The following ERCC6L2 variants were observed in gnomAD, a reference collection of about 807,000 sequenced individuals.
The protein encoded by ERCC6L2 is ERCC excision repair 6 like 2.
Under a neutral mutation model 132.0 loss-of-function variants are expected in ERCC6L2, and 77 were observed. The observed-to-expected ratio is 0.58, with a 90% CI of 0.49 to 0.71. The LOEUF (loss-of-function observed/expected upper bound fraction) is 0.71, where lower values mean the gene tolerates loss of function less well. Ranked by LOEUF, ERCC6L2 falls within the 30% of genes least tolerant of loss-of-function variation. The pLI, the probability that ERCC6L2 is intolerant of heterozygous loss-of-function variation, is 0.00. For synonymous variants in ERCC6L2, 583 were observed against 632.4 expected (o/e 0.92, Z 1.17); for missense variants, 1,542 against 1,837.6 (o/e 0.84, Z 2.94).
At chr9:95,970,507 T>C (rs1432425303) in intron 14 of ERCC6L2, 69 bp from the exon 15 acceptor site, 6 of 921,332 alleles carry the variant, frequency 6.5e-6, no homozygotes, top group African/African-American at 1.8e-5. Flanking sequence ...TGCATTGCTG[T>C]TGTTTATCTG....
Position 96,015,015 on chromosome 9 carries a change from GTTTT to G in ERCC6L2, c.*1834_*1837del, listed in dbSNP as rs767745101. On this transcript the variant is annotated 3_prime_UTR_variant, in exon 19 of 19. Coordinates refer to ENST00000653738, the MANE Select transcript of ERCC6L2 (RefSeq NM_020207.7). ...GCTCTATAGTCTTCATATATGTACA[GTTTT>G]TTTTTTTTTTTTTTTTTTTTTGAGA... Among the ~76,000 whole-genome samples the G allele has an allele frequency of 6.1e-5, 4 of 65,426 alleles. No individual in the cohort carries two copies. The highest frequency in any genetic ancestry group is 2.5e-4 in the Admixed American group (1 of 3,932). 42.9% of individuals were successfully genotyped at this position (65,426 alleles called of 152,430 possible).
At position 95,972,096 on chromosome 9, in the gene ERCC6L2, C is replaced by A. The variant is rs1832439987; in HGVS notation, c.2345C>A (p.Ser782Tyr). 2.3e-6 allele frequency: 3 copies of A among 1,304,122 alleles called. No homozygotes were observed. The highest frequency in any genetic ancestry group is 3.0e-6 in the Non-Finnish European group (3 of 988,952). The allele number at this position is 1,304,122 out of a possible 1,614,324, so 80.8% of individuals were successfully genotyped here. Reference sequence around the variant, plus strand: ...AAAGCACCCGATTCAAGTAAAGCTTCCAGCTCTCCAGGACAGCTTACCTTA... The same window carrying A: ...AAAGCACCCGATTCAAGTAAAGCTTACAGCTCTCCAGGACAGCTTACCTTA... Reference protein sequence around the residue: ...KNKAPDSSKASSSPGQLTLLQ... With the variant: ...KNKAPDSSKAYSSPGQLTLLQ... Residue 782 changes from serine (S) to tyrosine (Y), a missense_variant, in exon 16 of 19, where the codon TCC becomes TAC. Around this residue, in one of 4 missense-constraint regions of ERCC6L2, gnomAD observed 945 missense variants for 1,105.2 expected, o/e 0.86. Transcript: ENST00000653738.
chr9:95,987,615 C>G (rs1415501401), intron 17 of ERCC6L2, among the ~76,000 whole-genome samples: 1 of 152,186 alleles, frequency 6.6e-6, no homozygotes, highest in African/African-American at 2.4e-5. Context: ...GGTACAGCCT[C>G]TCTCATGACT....
intron 17 of ERCC6L2, among the ~76,000 whole-genome samples, chr9:95,978,501 C>T (rs1025977806): frequency 6.6e-6 from 1 of 152,152 alleles, no homozygotes; most frequent in Non-Finnish European, 1.5e-5. Context: ...CTGAGGGAAT[C>T]ATGTAGTTCA....
chr9:95,897,950 C>T lies in ERCC6L2; in HGVS notation c.573C>T (p.Pro191=), dbSNP rs1372781038. ...TACTAAGAAGTATGAAAAAGGAACC[C>T]CTTTCTTCTACAGCAAAAAAGGTAA... ...EFLLRSMKKE[P]LSSTAKKMFL... Residue 191 remains proline, a synonymous_variant, in exon 3 of 19, where the codon CCC becomes CCT. Coordinates refer to ENST00000653738, the MANE Select transcript of ERCC6L2 (RefSeq NM_020207.7). The T allele has an allele frequency of 1.2e-6, 2 of 1,610,698 alleles. No individual in the cohort carries two copies. The highest frequency in any genetic ancestry group is 1.7e-5 in the Admixed American group (1 of 59,304).
intron 2 of ERCC6L2, among the ~76,000 whole-genome samples, chr9:95,894,449 T>C (rs1267918227): frequency 6.6e-6 from 1 of 152,182 alleles, no homozygotes; most frequent in African/African-American, 2.4e-5. Context: ...TGTTCCTTAC[T>C]GTCCAAACAT....
intron 2 of ERCC6L2, among the ~76,000 whole-genome samples, chr9:95,885,044 CACAA>C (rs1286516360): frequency 1.3e-5 from 2 of 152,148 alleles, no homozygotes; most frequent in African/African-American, 4.8e-5. Flanking sequence ...TAAACACACA[CACAA>C]ACATACATAT....
chr9:96,033,936 C>T (rs187705478), intron 19 of ERCC6L2, among the ~76,000 whole-genome samples: 12 of 152,294 alleles, frequency 7.9e-5, no homozygotes, highest in Non-Finnish European at 1.8e-4. Context: ...GGTGCAGGGA[C>T]GTCAACTGCA....
At chr9:96,036,773 A>C (rs10819734) in intron 19 of ERCC6L2, among the ~76,000 whole-genome samples, 2 of 122,096 alleles carry the variant, frequency 1.6e-5, no homozygotes, top group African/African-American at 5.8e-5. Context: ...ATTTTTATTT[A>C]TTTTTTTTTT....
At chr9:95,907,717 A>G (rs1296969146) in intron 4 of ERCC6L2, among the ~76,000 whole-genome samples, 5 of 152,004 alleles carry the variant, frequency 3.3e-5, no homozygotes, top group African/African-American at 1.2e-4. Context: ...GACTTGTCCT[A>G]AATCTCATGT....
intron 18 of ERCC6L2, among the ~76,000 whole-genome samples, chr9:96,011,891 A>T (rs556910730): frequency 1.8e-4 from 27 of 152,354 alleles, no homozygotes; most frequent in South Asian, 1.0e-3. Flanking sequence ...AGAGTCTATA[A>T]ATCATGATCC....
rs562896043 is a variant in ERCC6L2, at chr9:95,937,478, A to G, written c.1752-3976A>G. Reference sequence around the variant, plus strand: ...GAAATCATCTGGGCCTGGAGGGGTTATTTTTTTTCCCTAAGAGTTTTGAAA... The same window carrying G: ...GAAATCATCTGGGCCTGGAGGGGTTGTTTTTTTTCCCTAAGAGTTTTGAAA... On this transcript the variant is annotated intron_variant, in intron 11 of 18. Coordinates refer to ENST00000653738, the MANE Select transcript of ERCC6L2 (RefSeq NM_020207.7). 2.6e-5 allele frequency among the ~76,000 whole-genome samples: 4 copies of G among 151,644 alleles called. No homozygotes were observed. The South Asian group carries it at 8.3e-4, about 32-fold the overall frequency.
At chr9:95,909,157 A>C in intron 4 of ERCC6L2, among the ~76,000 whole-genome samples, 1 of 152,166 alleles carries the variant, frequency 6.6e-6, no homozygotes, top group East Asian at 1.9e-4. Flanking sequence ...ATACAATTTG[A>C]TGAATCTTGA....
At position 95,989,199 on chromosome 9, in the gene ERCC6L2, A is replaced by G. The variant is rs189637058; in HGVS notation, c.3492+10984A>G. ...CATAGGTATTGAATCAATCATACCT[A>G]TGTAATTAATGGTTATGATGGTTAA... is the stretch of plus-strand genomic sequence containing the variant. On this transcript the variant is annotated intron_variant, in intron 17 of 18. Transcript: ENST00000653738. Among the ~76,000 whole-genome samples the G allele has an allele frequency of 3.3e-3, 499 of 152,250 alleles. 16 individuals are homozygous for G. The highest frequency in any genetic ancestry group is 0.03 in the Admixed American group (463 of 15,306).
intron 17 of ERCC6L2, among the ~76,000 whole-genome samples, chr9:95,990,658 G>A (rs909442565): frequency 1.3e-5 from 2 of 152,314 alleles, no homozygotes; most frequent in South Asian, 2.1e-4. Context: ...GAACAGGAGC[G>A]AACAAACGCT....
intron 17 of ERCC6L2, among the ~76,000 whole-genome samples, chr9:95,983,221 G>C (rs1832959994): frequency 6.6e-6 from 1 of 152,104 alleles, no homozygotes; most frequent in African/African-American, 2.4e-5. Context: ...TACCTGCCTT[G>C]AACTGTGGCT....
downstream of ERCC6L2, chr9:96,021,532 G>A (rs532563704): frequency 8.2e-4 from 140 of 171,726 alleles, no homozygotes; most frequent in African/African-American, 3.2e-3. This position sits in a 1 kb window ranked among gnomAD's most constrained non-coding sequence, Gnocchi z 4.7. Flanking sequence ...GATAGCGACG[G>A]GCAGGAAGGG....
At chr9:95,921,410 C>G (rs1829863463) in intron 7 of ERCC6L2, 95 bp downstream of exon 7, 1 of 973,278 alleles carries the variant, frequency 1.0e-6, no homozygotes, top group African/African-American at 1.7e-5. Flanking sequence ...AATACCTTTT[C>G]CTCAGACAGT....
At chr9:96,037,582 A>G (rs1834534072) in intron 19 of ERCC6L2, among the ~76,000 whole-genome samples, 1 of 152,196 alleles carries the variant, frequency 6.6e-6, no homozygotes, top group African/African-American at 2.4e-5. Flanking sequence ...AAAGCAGGAA[A>G]TACAGTCGGG....
Sources: gnomAD v4.1 joint callset for allele counts (sites outside exome capture counted in the v4.1 genomes callset) on GRCh38, gnomAD v4.1.1 for gene constraint, gnomAD v4.1.1 regional missense constraint, Gnocchi (gnomAD v3.1) non-coding constraint, MANE v1.5 for transcripts, NCBI Gene and HGNC (gene_info 2026-07-23, HGNC 2026-07-21) for gene names.